The following FAT3 variants were observed in gnomAD, a reference collection of about 807,000 sequenced individuals.
FAT3 encodes the protein protocadherin Fat 3.
FAT3 carries 95 observed loss-of-function variants against 310.2 expected under a neutral mutation model. That is an observed-to-expected ratio of 0.31 (90% CI 0.26 to 0.36). The LOEUF (loss-of-function observed/expected upper bound fraction) is 0.36. FAT3 is among the 10% of genes least tolerant of loss of function. The pLI, the probability that FAT3 is intolerant of heterozygous loss-of-function variation, is 1.00. For synonymous variants in FAT3, 2,314 were observed against 2,192.9 expected, an observed-to-expected ratio of 1.06 and a Z score of -1.54; for missense variants, 5,408 against 5,715.6, an observed-to-expected ratio of 0.95 and a Z score of 1.74.
At chr11:92,522,365 C>T (rs1211425733) in intron 2 of FAT3, among the ~76,000 whole-genome samples, 1 of 152,136 alleles carries the variant, frequency 6.6e-6, no homozygotes, top group Non-Finnish European at 1.5e-5. Context: ...AGGTATCCAA[C>T]CCTCAGAGCC....
intron 2 of FAT3, among the ~76,000 whole-genome samples, chr11:92,432,464 T>C (rs1002474775): frequency 2.0e-5 from 3 of 152,160 alleles, no homozygotes; most frequent in Non-Finnish European, 4.4e-5. Context: ...CTCCTTTTTG[T>C]TGATGTTCAT....
chr11:92,837,727 C>T lies in FAT3; in HGVS notation c.10289C>T (p.Ala3430Val), dbSNP rs1460745449. The T allele has an allele frequency of 6.2e-7, 1 of 1,613,964 alleles. No homozygotes were observed. Among genetic ancestry groups the T allele is most frequent in the East Asian group, 2.2e-5 (1 of 44,870 alleles). ...DSGIPAMSST[A>V]TVNIDISDVN... is the part of the protein sequence containing the mutation. ...GGCATTCCTGCAATGTCATCAACTG[C>T]AACTGTCAACATTGATATTTCTGAT... Residue 3430 changes from alanine to valine, a missense_variant, in exon 17 of 28, where the codon GCA becomes GTA. Ala to Val is a moderately conservative substitution (Grantham distance 64, BLOSUM62 0). Coordinates refer to ENST00000525166, the MANE Select transcript of FAT3 (RefSeq NM_001367949.2).
chr11:92,278,635 A>C (rs1946342125), intron 1 of FAT3, among the ~76,000 whole-genome samples: 1 of 152,278 alleles, frequency 6.6e-6, no homozygotes, highest in South Asian at 2.1e-4. Context: ...CACACACGTA[A>C]TTTTCCTATA....
chr11:92,605,936 A>T (rs1297061290), intron 3 of FAT3, among the ~76,000 whole-genome samples: 1 of 152,170 alleles, frequency 6.6e-6, no homozygotes, highest in African/African-American at 2.4e-5. Flanking sequence ...CAGTCAGAAA[A>T]TGTGCTTGAA....
chr11:92,387,630 A>T (rs1250636123), intron 2 of FAT3, among the ~76,000 whole-genome samples: 1 of 152,144 alleles, frequency 6.6e-6, no homozygotes, highest in Non-Finnish European at 1.5e-5. Context: ...GGAATTAATG[A>T]TGCTTCTCAA....
intron 4 of FAT3, among the ~76,000 whole-genome samples, chr11:92,718,696 TCTC>T (rs533181461): frequency 5.9e-4 from 90 of 152,194 alleles, no homozygotes; most frequent in Middle Eastern, 3.2e-3. Context: ...CATACATTGT[TCTC>T]CTCCAAATCT....
At position 92,866,998 on chromosome 11, in the gene FAT3, C is replaced by T. The variant is rs1346561976; in HGVS notation, c.11916C>T (p.Asp3972=). Residue 3972 remains aspartate, a synonymous_variant, in exon 22 of 28, where the codon GAC becomes GAT. Transcript: ENST00000525166. ...CGGATAACATCCGCAGCCTGACTGA[C>T]ACGCGGGTCACGCAGGTGCTCAGCG... is the stretch of plus-strand genomic sequence containing the variant. ...VQADNIRSLT[D]TRVTQVLSGF... The T allele has an allele frequency of 1.2e-6, 2 of 1,604,516 alleles. No homozygotes were observed. The highest frequency in any genetic ancestry group is 2.2e-5 in the East Asian group (1 of 44,500).
chr11:92,675,538 G>A (rs1302518536), intron 3 of FAT3, among the ~76,000 whole-genome samples: 1 of 152,176 alleles, frequency 6.6e-6, no homozygotes, highest in Admixed American at 6.5e-5. Context: ...TTTATTGCCT[G>A]TAGATGTAGC....
At chr11:92,772,019 C>G (rs1946471421) in intron 6 of FAT3, among the ~76,000 whole-genome samples, 1 of 152,124 alleles carries the variant, frequency 6.6e-6, no homozygotes, top group African/African-American at 2.4e-5. Context: ...TTTTAATCAT[C>G]TTTAAACTGG....
At chr11:92,595,774 T>C (rs1365239763) in intron 3 of FAT3, among the ~76,000 whole-genome samples, 1 of 152,196 alleles carries the variant, frequency 6.6e-6, no homozygotes, top group Non-Finnish European at 1.5e-5. Flanking sequence ...ATATGGAGTT[T>C]CACCTTCACA....
chr11:92,639,920 G>A (rs749946973), intron 3 of FAT3, among the ~76,000 whole-genome samples: 17 of 152,014 alleles, frequency 1.1e-4, no homozygotes, highest in African/African-American at 1.9e-4. Flanking sequence ...GTTTGATGTC[G>A]GCGACGTCCA....
At chr11:92,402,447 G>A (rs1281797405) in intron 2 of FAT3, among the ~76,000 whole-genome samples, 2 of 151,912 alleles carry the variant, frequency 1.3e-5, no homozygotes, top group Admixed American at 6.6e-5. Flanking sequence ...AAGAATTCTC[G>A]GTCTGGGTGC....
intron 4 of FAT3, among the ~76,000 whole-genome samples, chr11:92,699,317 G>T (rs190364369): frequency 8.3e-4 from 127 of 152,266 alleles, no homozygotes; most frequent in Admixed American, 3.0e-3. Flanking sequence ...TTATAATAAT[G>T]TATTGCATAT....
chr11:92,524,634 G>T lies in FAT3; in HGVS notation c.3293G>T (p.Gly1098Val). ...LGRFSIDDES[G>V]VITAADILDR... is the part of the protein sequence containing the mutation. ...GTAACACTTCTCTTTTTTGTCTCAG[G>T]GGTCATCACTGCCGCAGACATTCTT... The change falls in exon 3 of 28, where the codon GGG becomes GTG. Residue 1098 changes from glycine to valine, a missense_variant and splice_region_variant. Transcript: ENST00000525166. 1.2e-6 allele frequency: 2 copies of T among 1,602,676 alleles called. No homozygotes were observed. Among genetic ancestry groups the T allele is most frequent in the African/African-American group, 1.4e-5 (1 of 74,016 alleles).
chr11:92,333,942 A>C (rs1217829006), intron 1 of FAT3, among the ~76,000 whole-genome samples: 1 of 152,152 alleles, frequency 6.6e-6, no homozygotes, highest in East Asian at 1.9e-4. Flanking sequence ...TTTTCTCCTC[A>C]GTTTAAATAG....
At chr11:92,586,125 T>C (rs1423867804) in intron 3 of FAT3, among the ~76,000 whole-genome samples, 1 of 152,032 alleles carries the variant, frequency 6.6e-6, no homozygotes, top group Non-Finnish European at 1.5e-5. Context: ...AAAGGCTTGA[T>C]TGACTCTTGT....
intron 1 of FAT3, among the ~76,000 whole-genome samples, chr11:92,312,097 C>T (rs1591090151): frequency 1.3e-5 from 2 of 152,154 alleles, no homozygotes; most frequent in South Asian, 2.1e-4. Context: ...TTACATAAAG[C>T]ATAACAGTCT....
rs1327245244 is a variant in FAT3, at chr11:92,893,686, A to G, written c.*2573A>G. 6.6e-6 allele frequency: 1 copy of G among 152,166 alleles called. No homozygotes were observed. Among genetic ancestry groups the G allele is most frequent in the Non-Finnish European group, 1.5e-5 (1 of 68,022 alleles). The allele number at this position is 152,166 out of a possible 1,614,324, so 9.4% of individuals were successfully genotyped here. ...TCTTTCTTTGGGATATCATCCCCTG[A>G]TTTTCTGCAGAATAGCTCTGCAGCT... On this transcript the variant is annotated 3_prime_UTR_variant, in exon 28 of 28. Transcript: ENST00000525166.
chr11:92,743,417 A>T lies in FAT3; in HGVS notation c.3670-18439A>T, dbSNP rs552468158. On this transcript the variant is annotated intron_variant, in intron 4 of 27. Coordinates refer to ENST00000525166, the MANE Select transcript of FAT3 (RefSeq NM_001367949.2). ...GTCAGGGAGACAAAGTTGAAGAGAG[A>T]TGCAATGGTTTAGGCAGGAGATAAT... Among the ~76,000 whole-genome samples the T allele has an allele frequency of 3.3e-5, 5 of 152,348 alleles. No homozygotes were observed. The South Asian group carries it at 1.0e-3, about 32-fold the overall frequency.
Sources: gnomAD v4.1 joint callset for allele counts (sites outside exome capture counted in the v4.1 genomes callset) on GRCh38, gnomAD v4.1.1 for gene constraint, MANE v1.5 for transcripts, NCBI Gene and HGNC (gene_info 2026-07-23, HGNC 2026-07-21) for gene names.